The following EFCAB3 variants were observed in gnomAD, a reference collection of about 807,000 sequenced individuals.
EFCAB3 encodes EF-hand calcium binding domain 3.
EFCAB3 carries 36 observed loss-of-function variants against 42.2 expected under a neutral mutation model. The ratio of observed to expected loss-of-function variants is 0.85; its 90% CI spans 0.65 to 1.13. The LOEUF is 1.13. Ranked by LOEUF, EFCAB3 falls within the 50% of genes most tolerant of loss-of-function variation. EFCAB3 has a pLI of 0.00. For missense variants in EFCAB3, 418 were observed against 505.1 expected (o/e 0.83, Z 1.65); for synonymous variants, 170 against 172.8 (o/e 0.98, Z 0.13).
At chr17:62,413,351 A>G (rs988068756) in intron 8 of EFCAB3, among the ~76,000 whole-genome samples, 4 of 152,202 alleles carry the variant, frequency 2.6e-5, no homozygotes, top group Non-Finnish European at 5.9e-5. Context: ...CTCCTCAGAT[A>G]TTTATCTTTT....
At chr17:62,400,880 TAA>T (rs2070395966) in intron 6 of EFCAB3, among the ~76,000 whole-genome samples, 1 of 152,210 alleles carries the variant, frequency 6.6e-6, no homozygotes, top group South Asian at 2.1e-4. Context: ...TTACACAGTG[TAA>T]AAGTGTTCCT....
At chr17:62,370,256 G>A in exon 1 of EFCAB3, 1 of 1,551,346 alleles carries the variant, frequency 6.4e-7, no homozygotes, top group Non-Finnish European at 8.7e-7. Flanking sequence ...ACAATTTCTA[G>A]CAAGCGAAGG....
At chr17:62,374,511 G>A (rs1225969229) in intron 2 of EFCAB3, among the ~76,000 whole-genome samples, 1 of 152,058 alleles carries the variant, frequency 6.6e-6, no homozygotes, top group Non-Finnish European at 1.5e-5. Flanking sequence ...CTTTCTGGAT[G>A]CCTCTGAAAT....
chr17:62,384,346 C>T (rs995334733), intron 2 of EFCAB3, among the ~76,000 whole-genome samples: 2 of 152,144 alleles, frequency 1.3e-5, no homozygotes, highest in African/African-American at 2.4e-5. Context: ...AAGAACTTTA[C>T]ATTGCCTGGC....
chr17:62,391,621 T>C (rs2070302886), intron 3 of EFCAB3, among the ~76,000 whole-genome samples: 1 of 152,198 alleles, frequency 6.6e-6, no homozygotes, highest in African/African-American at 2.4e-5. Context: ...CACTTGGTTT[T>C]GCAACAGTTA....
intron 6 of EFCAB3, among the ~76,000 whole-genome samples, chr17:62,404,800 AAAT>A (rs143877290): frequency 4.0e-5 from 6 of 151,860 alleles, no homozygotes; most frequent in African/African-American, 7.2e-5. Context: ...CCATCTCAAA[AAAT>A]AATAATAATA....
At chr17:62,407,731 A>G (rs554650247) in intron 8 of EFCAB3, among the ~76,000 whole-genome samples, 3 of 152,252 alleles carry the variant, frequency 2.0e-5, no homozygotes, top group Admixed American at 1.3e-4. Flanking sequence ...TACTTTTGTC[A>G]TCATAAGTTT....
chr17:62,406,498 C>G lies in EFCAB3; in HGVS notation c.507C>G (p.Phe169Leu), dbSNP rs781782681. 6.3e-7 allele frequency: 1 copy of G among 1,584,944 alleles called. No individual in the cohort carries two copies. The highest frequency in any genetic ancestry group is 8.6e-7 in the Non-Finnish European group (1 of 1,166,370). Reference sequence around the variant, plus strand: ...TTTAAAGCTATTTCCAAAGAAAATTCCAGCATACTGGCCCAGGAATGTTGT... The same window carrying G: ...TTTAAAGCTATTTCCAAAGAAAATTGCAGCATACTGGCCCAGGAATGTTGT... ...IEIVSYFQRK[F>L]QHTGPGMLWS... The change falls in exon 7 of 10, where the codon TTC becomes TTG. Residue 169 changes from phenylalanine (F) to leucine (L), a missense_variant. Transcript: ENST00000305286.
intron 6 of EFCAB3, chr17:62,397,989 C>G (rs563836111): frequency 4.9e-5 from 9 of 185,050 alleles, no homozygotes; most frequent in African/African-American, 1.9e-4. Context: ...CATGCCACTG[C>G]ACTCCAGCCT....
intron 5 of EFCAB3, 29 bp downstream of exon 5, chr17:62,393,673 A>G (rs2070324011): frequency 6.3e-7 from 1 of 1,596,186 alleles, no homozygotes; most frequent in East Asian, 2.2e-5. Flanking sequence ...AACAGAAGGC[A>G]GTTGGGCAGC....
chr17:62,383,280 C>A (rs1442214079), intron 2 of EFCAB3: 7 of 360,220 alleles, frequency 1.9e-5, no homozygotes, highest in Non-Finnish European at 3.5e-5. Flanking sequence ...TCGAGACCAT[C>A]CTGGCCAACA....
chr17:62,391,724 C>T (rs892054803), intron 3 of EFCAB3, 98 bp from the exon 4 acceptor site: 3 of 1,240,452 alleles, frequency 2.4e-6, no homozygotes, highest in African/African-American at 3.0e-5. Context: ...TTTTTTAGAA[C>T]ATGATCTCCA....
chr17:62,395,152 C>T lies in EFCAB3; in HGVS notation c.452C>T (p.Ser151Leu). 2 of 1,614,012 alleles carry T rather than the reference C, an allele frequency of 1.2e-6. No individual in the cohort carries two copies. The highest frequency in any genetic ancestry group is 1.7e-6 in the Non-Finnish European group (2 of 1,179,984). ...ATCCTATCAAGGCTTCTAGAGACTTCAGCCCTACCCAGAAAGTCTATAATA... is the reference window on the plus strand; with the variant it reads ...ATCCTATCAAGGCTTCTAGAGACTTTAGCCCTACCCAGAAAGTCTATAATA... ...FEILSRLLET[S>L]ALPRKSIIEI... The change falls in exon 6 of 10, where the codon TCA (serine) becomes TTA (leucine). Residue 151 changes from serine (S) to leucine (L), a missense_variant. Transcript: ENST00000305286.
At chr17:62,372,039 A>G (rs1011960912) in intron 1 of EFCAB3, among the ~76,000 whole-genome samples, 4 of 152,196 alleles carry the variant, frequency 2.6e-5, no homozygotes, top group African/African-American at 9.6e-5. Context: ...GCCCTATACT[A>G]GGTACTAGGA....
chr17:62,375,247 G>T lies in EFCAB3; in HGVS notation c.88+1380G>T, dbSNP rs184485842. On this transcript the variant is annotated intron_variant, in intron 2 of 11. Coordinates refer to the EFCAB3 transcript ENST00000450662. ...CTAATATTTCCAAGTTAGTCCTGTT[G>T]TATTTTATTTGTAAAAGAAAAAATA... 1.3e-3 allele frequency among the ~76,000 whole-genome samples: 201 copies of T among 152,276 alleles called. 1 individual carries two copies. The highest frequency in any genetic ancestry group is 4.7e-3 in the African/African-American group (194 of 41,560).
chr17:62,377,272 A>G (rs1015334967), upstream of EFCAB3, among the ~76,000 whole-genome samples: 1 of 152,170 alleles, frequency 6.6e-6, no homozygotes, highest in African/African-American at 2.4e-5. Flanking sequence ...TCTGTGTTTC[A>G]TCATCTGCCA....
chr17:62,384,021 TAAG>T (rs978138755), intron 2 of EFCAB3, among the ~76,000 whole-genome samples: 3 of 152,350 alleles, frequency 2.0e-5, no homozygotes, highest in African/African-American at 7.2e-5. Flanking sequence ...TATCAGATCA[TAAG>T]AAGAACATTT....
chr17:62,378,141 T>C (rs1448563584), upstream of EFCAB3: 5 of 791,650 alleles, frequency 6.3e-6, no homozygotes, highest in Non-Finnish European at 9.8e-6. Flanking sequence ...CATCTACTTG[T>C]CCATAAAGTG....
At chr17:62,396,282 C>A (rs1326215845) in intron 6 of EFCAB3, among the ~76,000 whole-genome samples, 1 of 152,062 alleles carries the variant, frequency 6.6e-6, no homozygotes, top group African/African-American at 2.4e-5. Context: ...CAGCTGGGCG[C>A]GGTGGCTCAT....
Sources: allele counts gnomAD v4.1 joint callset (sites outside exome capture counted in the v4.1 genomes callset), GRCh38; gene constraint gnomAD v4.1.1; transcripts MANE v1.5; gene names NCBI Gene and HGNC (gene_info 2026-07-23, HGNC 2026-07-21).